Variants in SLC25A26 observed in about 807,000 individuals in gnomAD.
The protein encoded by SLC25A26 is solute carrier family 25 member 26, also known as mitochondrial S-adenosylmethionine carrier protein.
SLC25A26 carries 36 observed loss-of-function variants against 37.8 expected under a neutral mutation model. The ratio of observed to expected loss-of-function variants is 0.95; its 90% CI spans 0.73 to 1.26. The LOEUF is 1.26. Among genes scored for constraint, SLC25A26 ranks in the 50% most tolerant of loss-of-function variants. The pLI is 0.00. For missense variants in SLC25A26, 390 were observed against 331.1 expected, an observed-to-expected ratio of 1.18 and a Z score of -1.38; for synonymous variants, 129 against 122.5, an observed-to-expected ratio of 1.05 and a Z score of -0.35.
In SLC25A26 at chr3:66,263,405, A is replaced by G. The variant is rs767385358; in HGVS notation, c.453+26A>G. ...GTAAGTCACTTACTTTCCAATATTG[A>G]AGTACGAAAGAATGATGTCCTTTGT... On this transcript the variant is annotated intron_variant, in intron 5 of 9. Coordinates refer to ENST00000354883, the MANE Select transcript of SLC25A26 (RefSeq NM_001379210.1). 3.4e-6 allele frequency: 5 copies of G among 1,471,570 alleles called. No individual in the cohort carries two copies. In the African/African-American group the frequency reaches 6.9e-5, roughly 20 times the overall value. 91.2% of individuals were successfully genotyped at this position (1,471,570 alleles called of 1,614,324 possible). A position where few individuals can be genotyped will look rare whatever the true frequency, so the allele number is the denominator to read the frequency against.
At chr3:66,209,915 T>C (rs1251263779) in intron 1 of SLC25A26, among the ~76,000 whole-genome samples, 75 of 40,378 alleles carry the variant, frequency 1.9e-3, no homozygotes, top group African/African-American at 7.9e-3. Flanking sequence ...TATATATATA[T>C]ATATATATAT....
chr3:66,321,751 CTTT>C (rs34897144), intron 5 of SLC25A26, among the ~76,000 whole-genome samples: 3 of 142,744 alleles, frequency 2.1e-5, no homozygotes, highest in African/African-American at 7.7e-5. Flanking sequence ...TTTCTGCCTA[CTTT>C]TTTTTTTTTT....
At chr3:66,270,872 C>T (rs1364656955) in intron 5 of SLC25A26, among the ~76,000 whole-genome samples, 1 of 152,160 alleles carries the variant, frequency 6.6e-6, no homozygotes, top group Non-Finnish European at 1.5e-5. Context: ...GTTTCGTTTA[C>T]ATGAAACCAG....
At chr3:66,177,587 G>A (rs1382685481) in intron 1 of SLC25A26, among the ~76,000 whole-genome samples, 1 of 152,196 alleles carries the variant, frequency 6.6e-6, no homozygotes, top group Non-Finnish European at 1.5e-5. Flanking sequence ...AGCCTATGCT[G>A]TGGGTCCCTT....
chr3:66,228,035 C>T (rs2071838127), intron 1 of SLC25A26, among the ~76,000 whole-genome samples: 1 of 152,188 alleles, frequency 6.6e-6, no homozygotes, highest in South Asian at 2.1e-4. Context: ...TTCTCTTTCT[C>T]AGGACTTGTG....
intron 1 of SLC25A26, among the ~76,000 whole-genome samples, chr3:66,166,149 G>T (rs989307194): frequency 6.6e-6 from 1 of 152,204 alleles, no homozygotes; most frequent in African/African-American, 2.4e-5. Flanking sequence ...TGGAAGGTCA[G>T]TCCTATCTAT....
At chr3:66,170,554 A>G (rs1051123453) in intron 1 of SLC25A26, among the ~76,000 whole-genome samples, 1 of 152,308 alleles carries the variant, frequency 6.6e-6, no homozygotes. Flanking sequence ...TTTTAATACA[A>G]TCCTCCTAAG....
At chr3:66,284,036 A>G (rs1559654682) in intron 5 of SLC25A26, among the ~76,000 whole-genome samples, 1 of 152,230 alleles carries the variant, frequency 6.6e-6, no homozygotes, top group African/African-American at 2.4e-5. Context: ...AAAGTCAATT[A>G]ATATTACACA....
At chr3:66,229,705 A>T (rs1346932164) in intron 1 of SLC25A26, among the ~76,000 whole-genome samples, 2 of 152,252 alleles carry the variant, frequency 1.3e-5, no homozygotes, top group Non-Finnish European at 2.9e-5. Flanking sequence ...GTGAGAACAG[A>T]CTAATACAAA....
At chr3:66,179,941 T>C (rs1184022404) in intron 1 of SLC25A26, among the ~76,000 whole-genome samples, 1 of 152,214 alleles carries the variant, frequency 6.6e-6, no homozygotes, top group Non-Finnish European at 1.5e-5. Flanking sequence ...CATGAACATA[T>C]GACTCACAAG....
rs138061528 is a variant in SLC25A26 at position 66,224,695 on chromosome 3, T to C, written c.33+3568T>C. Among the ~76,000 whole-genome samples, 559 of 152,318 alleles carry C rather than the reference T, an allele frequency of 3.7e-3. 3 individuals carry two copies. Among genetic ancestry groups the C allele is most frequent in the East Asian group, 0.017 (87 of 5,184 alleles). ...AAGTCTTAACTCATTTTAGCATTAA[T>C]TCAAAAGTCCACAGTCCAAAGTCTT... is the stretch of plus-strand genomic sequence containing the variant. On this transcript the variant is annotated intron_variant, in intron 1 of 9. Coordinates refer to ENST00000354883, the MANE Select transcript of SLC25A26 (RefSeq NM_001379210.1).
At chr3:66,299,315 C>G (rs2075003035) in intron 5 of SLC25A26, among the ~76,000 whole-genome samples, 1 of 152,112 alleles carries the variant, frequency 6.6e-6, no homozygotes, top group Admixed American at 6.6e-5. Flanking sequence ...GTCTCAGCCT[C>G]CCGAGTAGCT....
chr3:66,334,956 G>T (rs1295611466), intron 5 of SLC25A26, among the ~76,000 whole-genome samples: 1 of 152,090 alleles, frequency 6.6e-6, no homozygotes, highest in Admixed American at 6.6e-5. Context: ...ATCTGTATCA[G>T]ATCCTACATT....
chr3:66,234,224 C>G (rs1270336754), intron 1 of SLC25A26, among the ~76,000 whole-genome samples: 1 of 152,190 alleles, frequency 6.6e-6, no homozygotes, highest in African/African-American at 2.4e-5. Context: ...TCCCAGGTAG[C>G]TGGGATTACA....
chr3:66,307,554 T>C (rs1001995448), intron 5 of SLC25A26, among the ~76,000 whole-genome samples: 1 of 152,230 alleles, frequency 6.6e-6, no homozygotes, highest in East Asian at 1.9e-4. Flanking sequence ...TTGCTTTTGG[T>C]GTTTTAATCA....
chr3:66,209,905 T>TTTATAC (rs2071259043), intron 1 of SLC25A26, among the ~76,000 whole-genome samples: 7 of 19,730 alleles, frequency 3.5e-4, no homozygotes, highest in African/African-American at 1.5e-3. Flanking sequence ...TATTTATATA[T>TTTATAC]ATATATATAT....
intron 2 of SLC25A26, among the ~76,000 whole-genome samples, chr3:66,239,399 C>T (rs1422640167): frequency 1.3e-5 from 2 of 152,106 alleles, no homozygotes; most frequent in Non-Finnish European, 2.9e-5. Flanking sequence ...TTTCCCAGAA[C>T]AGGGCACTCT....
rs185917501 is a variant in SLC25A26 at position 66,319,023 on chromosome 3, C to G, written c.454-27341C>G. 3.7e-3 allele frequency among the ~76,000 whole-genome samples: 563 copies of G among 152,282 alleles called. 5 individuals carry two copies. Among genetic ancestry groups the G allele is most frequent in the Non-Finnish European group, 3.4e-3 (229 of 68,030 alleles). On this transcript the variant is annotated intron_variant, in intron 5 of 9. Coordinates refer to ENST00000354883, the MANE Select transcript of SLC25A26 (RefSeq NM_001379210.1). The stretch of plus-strand genomic sequence containing the variant: ...GACTTGCGCTATACTTACCAACTTT[C>G]ACTTGACACTGATATTTTCTAAATG...
At chr3:66,288,523 G>T (rs2074593374) in intron 5 of SLC25A26, among the ~76,000 whole-genome samples, 1 of 151,978 alleles carries the variant, frequency 6.6e-6, no homozygotes, top group Admixed American at 6.5e-5. Context: ...TCCCCTCCCT[G>T]TGTCAATGTG....
Sources: gnomAD v4.1 joint callset for allele counts (sites outside exome capture counted in the v4.1 genomes callset) on GRCh38, gnomAD v4.1.1 for gene constraint, MANE v1.5 for transcripts, NCBI Gene and HGNC (gene_info 2026-07-23, HGNC 2026-07-21) for gene names.